Variants in ALMS1 observed in about 807,000 individuals in gnomAD.
ALMS1 encodes the protein centrosome-associated protein ALMS1.
Under a neutral mutation model 352.2 loss-of-function variants are expected in ALMS1, and 271 were observed. The observed-to-expected ratio is 0.77, with a 90% CI of 0.70 to 0.85. The LOEUF (loss-of-function observed/expected upper bound fraction) is 0.85. Among genes scored for constraint, ALMS1 ranks in the 40% least tolerant of loss-of-function variants. The probability of loss-of-function intolerance (pLI) is 0.00; values close to 1 mark genes in which losing one functional copy is unlikely to be tolerated. For synonymous variants in ALMS1, 1,865 were observed against 1,761.2 expected, an observed-to-expected ratio of 1.06 and a Z score of -1.48; for missense variants, 5,445 against 4,870.7, an observed-to-expected ratio of 1.12 and a Z score of -3.51.
At chr2:73,492,968 TAAAAA>T (rs34376546) in intron 10 of ALMS1, among the ~76,000 whole-genome samples, 2 of 141,942 alleles carry the variant, frequency 1.4e-5, no homozygotes, top group Admixed American at 7.0e-5. Context: ...TATTGATACT[TAAAAA>T]AAAAAAAAAA....
chr2:73,397,152 G>A (rs556884872), intron 1 of ALMS1, among the ~76,000 whole-genome samples: 38 of 152,004 alleles, frequency 2.5e-4, no homozygotes, highest in African/African-American at 7.2e-4. Flanking sequence ...GTTTCCCTGC[G>A]GCTTTTAATT....
Position 73,448,877 on chromosome 2 carries a change from C to T in ALMS1, c.2350C>T (p.Pro784Ser). Residue 784 changes from proline (P) to serine (S), a missense_variant, in exon 8 of 23, where the codon CCT becomes TCT. Coordinates refer to ENST00000613296, the MANE Select transcript of ALMS1 (RefSeq NM_001378454.1). ...ACAGGACTTAGCAGACAGTCATCTACCTGAAGAGGGTCTGAAAGTTTCAGC... is the reference window on the plus strand; with the variant it reads ...ACAGGACTTAGCAGACAGTCATCTATCTGAAGAGGGTCTGAAAGTTTCAGC... Reference protein sequence around the residue: ...YPQDLADSHLPEEGLKVSAVA... With the variant: ...YPQDLADSHLSEEGLKVSAVA... 1 of 1,613,494 alleles carries T rather than the reference C, an allele frequency of 6.2e-7. No individual in the cohort carries two copies. The highest frequency in any genetic ancestry group is 8.5e-7 in the Non-Finnish European group (1 of 1,179,844).
At chr2:73,531,811 T>A (rs1673919524) in intron 11 of ALMS1, among the ~76,000 whole-genome samples, 1 of 152,130 alleles carries the variant, frequency 6.6e-6, no homozygotes, top group African/African-American at 2.4e-5. Context: ...GCAAGACACA[T>A]CTTACGTGGC....
At chr2:73,465,467 C>T (rs1672314217) in intron 9 of ALMS1, among the ~76,000 whole-genome samples, 1 of 152,198 alleles carries the variant, frequency 6.6e-6, no homozygotes, top group Non-Finnish European at 1.5e-5. Context: ...CCCTTCCTTA[C>T]ACCGTATACA....
Position 73,589,160 on chromosome 2 carries a change from G to A in ALMS1, c.11548-10241G>A, listed in dbSNP as rs553341341. Among the ~76,000 whole-genome samples, 50 of 151,958 alleles carry A rather than the reference G, an allele frequency of 3.3e-4. No homozygotes were observed. In the East Asian group the frequency reaches 5.4e-3, roughly 16 times the overall value. ...TTTTACAAGAATTATGTTCTAATAA[G>A]AAACCATAAAAGTTGTTTTTGTTTA... On this transcript the variant is annotated intron_variant, in intron 16 of 22. Coordinates refer to ENST00000613296, the MANE Select transcript of ALMS1 (RefSeq NM_001378454.1).
intron 9 of ALMS1, among the ~76,000 whole-genome samples, chr2:73,472,067 A>G (rs2103844228): frequency 6.6e-6 from 1 of 152,192 alleles, no homozygotes; most frequent in East Asian, 1.9e-4. Context: ...GCAAGACATT[A>G]CACTATGTGA....
chr2:73,448,597 T>C lies in ALMS1; in HGVS notation c.2070T>C (p.Asp690=). The C allele has an allele frequency of 1.9e-6, 3 of 1,610,998 alleles. No homozygotes were observed. The highest frequency in any genetic ancestry group is 2.5e-6 in the Non-Finnish European group (3 of 1,179,020). The change falls in exon 8 of 23, where the codon GAT becomes GAC. Residue 690 remains aspartate (D), a synonymous_variant. Coordinates refer to ENST00000613296, the MANE Select transcript of ALMS1 (RefSeq NM_001378454.1). The part of the protein sequence containing the change: ...RQTLPDGHLT[D]QALKVSAVSG... ...CCTTGCCAGATGGTCATCTAACTGA[T>C]CAGGCTCTGAAAGTCTCAGCTGTGT...
intron 16 of ALMS1, among the ~76,000 whole-genome samples, chr2:73,598,879 G>A (rs1371054114): frequency 6.6e-6 from 1 of 151,960 alleles, no homozygotes; most frequent in Non-Finnish European, 1.5e-5. Context: ...TGCTCTGAAC[G>A]TAATTTAAAA....
At position 73,444,287 on chromosome 2, in the gene ALMS1, C is replaced by T. The variant is rs545401640; in HGVS notation, c.1433-3673C>T. Among the ~76,000 whole-genome samples, 3 of 152,246 alleles carry T rather than the reference C, an allele frequency of 2.0e-5. No homozygotes were observed. The South Asian group carries it at 6.2e-4, about 32-fold the overall frequency. On this transcript the variant is annotated intron_variant, in intron 7 of 22. Coordinates refer to ENST00000613296, the MANE Select transcript of ALMS1 (RefSeq NM_001378454.1). ...GAGGGAATTTCTTTGAGTAGGGGTG[C>T]ACCTATCAGGGTGGTTTGATGACTG... is the stretch of plus-strand genomic sequence containing the variant.
In ALMS1 at chr2:73,419,229, A is replaced by T. The variant is rs375830111; in HGVS notation, c.557A>T (p.Asp186Val). 6.2e-7 allele frequency: 1 copy of T among 1,614,046 alleles called. No individual in the cohort carries two copies. The part of the protein sequence containing the change: ...NVRTEDTEVT[D>V]FPSLEEGILT... ...AGAACGGAAGATACTGAAGTGACAGACTTCCCCTCTCTGGAGGAGGGCATA... is the reference window on the plus strand; with the variant it reads ...AGAACGGAAGATACTGAAGTGACAGTCTTCCCCTCTCTGGAGGAGGGCATA... Residue 186 changes from aspartate (D) to valine (V), a missense_variant, in exon 3 of 23, where the codon GAC becomes GTC. Transcript: ENST00000613296.
Position 73,490,544 on chromosome 2 carries a change from G to T in ALMS1, c.8585G>T (p.Arg2862Ile). The change falls in exon 10 of 23, where the codon AGA (arginine) becomes ATA (isoleucine). Residue 2862 changes from arginine (R) to isoleucine (I), a missense_variant. Coordinates refer to ENST00000613296, the MANE Select transcript of ALMS1 (RefSeq NM_001378454.1). Reference sequence around the variant, plus strand: ...CTAGGAGTAAACAGATCGAGTTCCAGACTAGGAGTAAAAGAGAAGAATGTA... The same window carrying T: ...CTAGGAGTAAACAGATCGAGTTCCATACTAGGAGTAAAAGAGAAGAATGTA... Reference protein sequence around the residue: ...STLGVNRSSSRLGVKEKNVTI... With the variant: ...STLGVNRSSSILGVKEKNVTI... The T allele has an allele frequency of 1.2e-6, 2 of 1,614,160 alleles. No homozygotes were observed. The highest frequency in any genetic ancestry group is 1.7e-6 in the Non-Finnish European group (2 of 1,180,036).
intron 9 of ALMS1, among the ~76,000 whole-genome samples, 153 bp from the exon 10 acceptor site, chr2:73,489,481 T>C (rs1344633422): frequency 6.6e-6 from 1 of 152,228 alleles, no homozygotes; most frequent in Non-Finnish European, 1.5e-5. Context: ...CTTTTTTGCT[T>C]GCTGTGCTCT....
intron 9 of ALMS1, among the ~76,000 whole-genome samples, chr2:73,478,992 A>T (rs1165783459): frequency 1.3e-5 from 2 of 152,140 alleles, no homozygotes; most frequent in Non-Finnish European, 2.9e-5. Flanking sequence ...TTCCGGCTTC[A>T]TCCATGTCCC....
intron 1 of ALMS1, among the ~76,000 whole-genome samples, chr2:73,393,613 A>T (rs1260781226): frequency 1.3e-5 from 2 of 151,986 alleles, no homozygotes; most frequent in Non-Finnish European, 2.9e-5. Flanking sequence ...CTCTGCTTCC[A>T]CATGTACTTG....
chr2:73,512,678 A>G (rs1264423487), intron 10 of ALMS1, among the ~76,000 whole-genome samples: 3 of 152,102 alleles, frequency 2.0e-5, no homozygotes, highest in Admixed American at 6.5e-5. Context: ...TATTGTTACT[A>G]TTGTAATTTG....
At chr2:73,421,139 C>G (rs1202174790) in intron 3 of ALMS1, among the ~76,000 whole-genome samples, 1 of 152,166 alleles carries the variant, frequency 6.6e-6, no homozygotes, top group Admixed American at 6.5e-5. Flanking sequence ...CAACTCCACC[C>G]TGAGATATTC....
chr2:73,514,292 G>A (rs1188312533), intron 10 of ALMS1, among the ~76,000 whole-genome samples: 12 of 151,724 alleles, frequency 7.9e-5, no homozygotes. Flanking sequence ...TTTATTCCAT[G>A]CTATTTTCTC....
At chr2:73,482,861 T>C (rs1314153731) in intron 9 of ALMS1, among the ~76,000 whole-genome samples, 3 of 152,032 alleles carry the variant, frequency 2.0e-5, no homozygotes, top group Non-Finnish European at 4.4e-5. Flanking sequence ...CTAGTTTATT[T>C]GCATAGAGGT....
chr2:73,402,267 T>C (rs1182848220), intron 1 of ALMS1, among the ~76,000 whole-genome samples: 4 of 145,668 alleles, frequency 2.7e-5, no homozygotes, highest in African/African-American at 5.2e-5. Context: ...TCTTTCTCTC[T>C]CTCTTTTTTT....
Sources: gnomAD v4.1 joint callset for allele counts (sites outside exome capture counted in the v4.1 genomes callset) on GRCh38, gnomAD v4.1.1 for gene constraint, MANE v1.5 for transcripts, NCBI Gene and HGNC (gene_info 2026-07-23, HGNC 2026-07-21) for gene names.